IGF2BP1: variants seen among roughly 807,000 people sequenced by gnomAD.
The protein encoded by IGF2BP1 is insulin-like growth factor 2 mRNA-binding protein 1.
IGF2BP1 carries 11 observed loss-of-function variants against 74.9 expected under a neutral mutation model. That is an observed-to-expected ratio of 0.15 (90% CI 0.09 to 0.24). The LOEUF (loss-of-function observed/expected upper bound fraction) is 0.24. IGF2BP1 is among the 10% of genes least tolerant of loss of function. The pLI, the probability that IGF2BP1 is intolerant of heterozygous loss-of-function variation, is 1.00. For synonymous variants in IGF2BP1, 287 were observed against 281.8 expected, an observed-to-expected ratio of 1.02 and a Z score of -0.18; for missense variants, 440 against 757.4, an observed-to-expected ratio of 0.58 and a Z score of 4.92.
At chr17:49,010,149 C>T (rs926649109) in intron 2 of IGF2BP1, among the ~76,000 whole-genome samples, 1 of 152,118 alleles carries the variant, frequency 6.6e-6, no homozygotes, top group African/African-American at 2.4e-5. Context: ...TCATCTATCG[C>T]TAGAACTCTT....
intron 2 of IGF2BP1, among the ~76,000 whole-genome samples, chr17:49,003,499 T>C (rs1361596300): frequency 1.3e-5 from 2 of 152,150 alleles, no homozygotes; most frequent in South Asian, 2.1e-4. Context: ...TGTTGATTTT[T>C]GTGTGTGGGG....
rs2042210758 is a variant in IGF2BP1, at chr17:49,055,114, C to T, written c.*5670C>T. On this transcript the variant is annotated 3_prime_UTR_variant, in exon 15 of 15. Coordinates refer to ENST00000290341, the MANE Select transcript of IGF2BP1 (RefSeq NM_006546.4). Reference sequence around the variant, plus strand: ...TTTTTCCAAAGGAAAAAAATATTACCTTGAGAATACTTTCCAAAAAATAAA... The same window carrying T: ...TTTTTCCAAAGGAAAAAAATATTACTTTGAGAATACTTTCCAAAAAATAAA... 6.7e-6 allele frequency: 1 copy of T among 149,038 alleles called. No individual in the cohort carries two copies. The highest frequency in any genetic ancestry group is 6.7e-5 in the Admixed American group (1 of 14,914). 9.2% of individuals were successfully genotyped at this position (149,038 alleles called of 1,614,324 possible).
intron 5 of IGF2BP1, among the ~76,000 whole-genome samples, chr17:49,035,448 A>C (rs2041975142): frequency 6.6e-6 from 1 of 152,228 alleles, no homozygotes; most frequent in South Asian, 2.1e-4. Context: ...TAAGATTGGA[A>C]TACTGGTGTC....
Position 49,054,014 on chromosome 17 carries a change from G to A in IGF2BP1, c.*4570G>A, listed in dbSNP as rs1367711739. On this transcript the variant is annotated 3_prime_UTR_variant, in exon 15 of 15. Coordinates refer to ENST00000290341, the MANE Select transcript of IGF2BP1 (RefSeq NM_006546.4). ...AAAGCCATTTCCCTTCCAAATACTC[G>A]ACAATTTAGATGCAGAACATTTCTC... The A allele has an allele frequency of 6.5e-6, 1 of 152,694 alleles. No homozygotes were observed. The highest frequency in any genetic ancestry group is 1.5e-5 in the Non-Finnish European group (1 of 68,050). The allele number at this position is 152,694 out of a possible 1,614,324, so 9.5% of individuals were successfully genotyped here. A position where few individuals can be genotyped will look rare whatever the true frequency, so the allele number is the denominator to read the frequency against.
At position 48,997,522 on chromosome 17, in the gene IGF2BP1, G is replaced by T; in HGVS notation, c.-224G>T. 5.9e-6 allele frequency: 3 copies of T among 512,102 alleles called. No individual in the cohort carries two copies. Among genetic ancestry groups the T allele is most frequent in the Non-Finnish European group, 6.9e-6 (2 of 290,784 alleles). 31.7% of individuals were successfully genotyped at this position (512,102 alleles called of 1,614,324 possible). On this transcript the variant is annotated 5_prime_UTR_variant, in exon 1 of 15. Coordinates refer to ENST00000290341, the MANE Select transcript of IGF2BP1 (RefSeq NM_006546.4). The surrounding 1 kb of genome is among the most constrained non-coding windows in gnomAD (Gnocchi z 4.8). ...CGCCGTGTCGTCCGTCTCCCTGCGCGCCGCGGGCACTTCTCCTGGGCTCTC... is the reference window on the plus strand; with the variant it reads ...CGCCGTGTCGTCCGTCTCCCTGCGCTCCGCGGGCACTTCTCCTGGGCTCTC...
chr17:49,051,902 C>T lies in IGF2BP1; in HGVS notation c.*2458C>T, dbSNP rs1045965775. 2.0e-5 allele frequency: 3 copies of T among 151,446 alleles called. No homozygotes were observed. The highest frequency in any genetic ancestry group is 7.3e-5 in the African/African-American group (3 of 41,148). The allele number at this position is 151,446 out of a possible 1,614,324, so 9.4% of individuals were successfully genotyped here. A position where few individuals can be genotyped will look rare whatever the true frequency, so the allele number is the denominator to read the frequency against. On this transcript the variant is annotated 3_prime_UTR_variant, in exon 15 of 15. Transcript: ENST00000290341. ...TTCTTCCTAATCTATATCCATAGAT[C>T]TAAGGGGCAAACAGATACTAGTTAA...
chr17:49,031,777 G>A (rs2041923988), intron 4 of IGF2BP1, 133 bp from the exon 5 acceptor site: 2 of 779,220 alleles, frequency 2.6e-6, no homozygotes, highest in African/African-American at 1.7e-5. Flanking sequence ...GCTAGGATTT[G>A]CAGTTGTGAT....
At chr17:48,996,971 C>T (rs913087408), upstream of IGF2BP1, among the ~76,000 whole-genome samples, 2 of 152,204 alleles carry the variant, frequency 1.3e-5, no homozygotes, top group African/African-American at 4.8e-5. Context: ...TTCTCTTTGT[C>T]TGTCTCGGCC....
At chr17:49,033,122 C>G (rs908062584) in intron 5 of IGF2BP1, among the ~76,000 whole-genome samples, 1 of 152,144 alleles carries the variant, frequency 6.6e-6, no homozygotes, top group Admixed American at 6.5e-5. Context: ...TTTGTTACCT[C>G]GTTAACATTT....
rs80268775 is a variant in IGF2BP1, at chr17:49,029,149, T to C, written c.337+2632T>C. Among the ~76,000 whole-genome samples the C allele has an allele frequency of 7.1e-3, 998 of 140,526 alleles. 6 individuals are homozygous for C. Among genetic ancestry groups the C allele is most frequent in the Non-Finnish European group, 0.011 (683 of 64,210 alleles). The allele number at this position is 140,526 out of a possible 152,430, so 92.2% of individuals were successfully genotyped here. A position where few individuals can be genotyped will look rare whatever the true frequency, so the allele number is the denominator to read the frequency against. Reference sequence around the variant, plus strand: ...CCATAGCAGTCATCACTGTCAAATATTCTGTAGAACTTGCTTATTTATTAT... The same window carrying C: ...CCATAGCAGTCATCACTGTCAAATACTCTGTAGAACTTGCTTATTTATTAT... On this transcript the variant is annotated intron_variant, in intron 4 of 14. Transcript: ENST00000290341.
At chr17:49,034,765 C>CA (rs759683218) in intron 5 of IGF2BP1, among the ~76,000 whole-genome samples, 1,842 of 137,560 alleles carry the variant, frequency 0.013, 43 homozygotes, top group African/African-American at 0.044. Flanking sequence ...ACAAAAAAAA[C>CA]AAAAAAAACG....
rs563231894 is a variant in IGF2BP1, at chr17:49,016,363, A to G, written c.237-9255A>G. On this transcript the variant is annotated intron_variant, in intron 2 of 14. Coordinates refer to ENST00000290341, the MANE Select transcript of IGF2BP1 (RefSeq NM_006546.4). ...CAATGTATGAATCTGATGTTTTTCAACTGGAACTTCTTGGTGACAGATTAA... is the reference window on the plus strand; with the variant it reads ...CAATGTATGAATCTGATGTTTTTCAGCTGGAACTTCTTGGTGACAGATTAA... Among the ~76,000 whole-genome samples the G allele has an allele frequency of 3.8e-4, 58 of 152,078 alleles. 1 individual carries two copies. The highest frequency in any genetic ancestry group is 2.0e-4 in the Admixed American group (3 of 15,290).
chr17:49,036,078 GCGGGGTTGACTGGAAGCGAC>G (rs139927911), intron 5 of IGF2BP1, among the ~76,000 whole-genome samples: 7,179 of 152,156 alleles, frequency 0.047, 208 homozygotes, highest in East Asian at 0.11. Context: ...GCCAACTGGT[GCGGGGTTGACTGGAAGCGAC>G]CGGGGTTGAC....
At chr17:49,037,945 A>G (rs1243312850) in intron 5 of IGF2BP1, among the ~76,000 whole-genome samples, 1 of 152,238 alleles carries the variant, frequency 6.6e-6, no homozygotes, top group Non-Finnish European at 1.5e-5. Context: ...AATCCCAACT[A>G]AGTGTTAGGG....
intron 2 of IGF2BP1, among the ~76,000 whole-genome samples, chr17:49,003,989 G>A (rs2041516370): frequency 6.6e-6 from 1 of 152,044 alleles, no homozygotes; most frequent in African/African-American, 2.4e-5. Flanking sequence ...AGAGTAGAGA[G>A]AGAGAAAGTG....
intron 2 of IGF2BP1, among the ~76,000 whole-genome samples, chr17:49,000,874 CCA>C (rs2041480895): frequency 6.6e-6 from 1 of 151,804 alleles, no homozygotes; most frequent in African/African-American, 2.4e-5. Context: ...CTTTTTCCCT[CCA>C]AAATGCATTA....
At chr17:49,027,904 C>G (rs540033473) in intron 4 of IGF2BP1, among the ~76,000 whole-genome samples, 16 of 139,814 alleles carry the variant, frequency 1.1e-4, no homozygotes, top group African/African-American at 3.9e-4. Context: ...GGCACAATGA[C>G]TCACACCTGT....
Position 49,050,991 on chromosome 17 carries a change from C to T in IGF2BP1, c.*1547C>T, listed in dbSNP as rs1164733113. ...ATGGAAAAGCCCATGCGTGGAGTTCCCCTCCTTTCAACATTGCAACAACAG... is the reference window on the plus strand; with the variant it reads ...ATGGAAAAGCCCATGCGTGGAGTTCTCCTCCTTTCAACATTGCAACAACAG... On this transcript the variant is annotated 3_prime_UTR_variant, in exon 15 of 15. Transcript: ENST00000290341. 2 of 152,534 alleles carry T rather than the reference C, an allele frequency of 1.3e-5. No individual in the cohort carries two copies. The highest frequency in any genetic ancestry group is 2.9e-5 in the Non-Finnish European group (2 of 68,038). The allele number at this position is 152,534 out of a possible 1,614,324, so 9.4% of individuals were successfully genotyped here. A position where few individuals can be genotyped will look rare whatever the true frequency, so the allele number is the denominator to read the frequency against.
chr17:49,032,063 G>T lies in IGF2BP1; in HGVS notation c.401+90G>T, dbSNP rs1316685368. 6.9e-6 allele frequency: 8 copies of T among 1,165,212 alleles called. No homozygotes were observed. In the Admixed American group the frequency reaches 7.2e-5, roughly 10 times the overall value. The allele number at this position is 1,165,212 out of a possible 1,614,324, so 72.2% of individuals were successfully genotyped here. A position where few individuals can be genotyped will look rare whatever the true frequency, so the allele number is the denominator to read the frequency against. Reference sequence around the variant, plus strand: ...CTGGTCCCACTTTTTCCTCAGGGGGGTCTAGGCAGGCTGGGTCCCCATCCA... The same window carrying T: ...CTGGTCCCACTTTTTCCTCAGGGGGTTCTAGGCAGGCTGGGTCCCCATCCA... On this transcript the variant is annotated intron_variant, in intron 5 of 14. Transcript: ENST00000290341.
Sources: allele counts gnomAD v4.1 joint callset (sites outside exome capture counted in the v4.1 genomes callset), GRCh38; gene constraint gnomAD v4.1.1; non-coding constraint Gnocchi (gnomAD v3.1); transcripts MANE v1.5; gene names NCBI Gene and HGNC (gene_info 2026-07-23, HGNC 2026-07-21).